The following HAO2 variants were observed in gnomAD, a reference collection of about 807,000 sequenced individuals.
HAO2 encodes the protein 2-Hydroxyacid oxidase 2.
A neutral mutation model predicts 37.4 loss-of-function variants in HAO2; 42 were observed. That is an observed-to-expected ratio of 1.12 (90% CI 0.88 to 1.45). HAO2 has a LOEUF of 1.45. Among genes scored for constraint, HAO2 ranks in the 40% most tolerant of loss-of-function variants. HAO2 has a pLI of 0.00. For synonymous variants in HAO2, 180 were observed against 162.8 expected (o/e 1.11, Z -0.81); for missense variants, 476 against 430.2 (o/e 1.11, Z -0.94).
intron 5 of HAO2, among the ~76,000 whole-genome samples, chr1:119,387,294 A>G (rs957394143): frequency 4.6e-5 from 7 of 152,234 alleles, no homozygotes; most frequent in African/African-American, 1.4e-4. Flanking sequence ...TCATAAATTT[A>G]TGTTCATTAT....
At position 119,393,664 on chromosome 1, in the gene HAO2, T is replaced by C. The variant is rs370255442; in HGVS notation, c.1001-121T>C. The C allele has an allele frequency of 2.3e-4, 192 of 823,036 alleles. 1 individual carries two copies. In the East Asian group the frequency reaches 3.4e-3, roughly 14 times the overall value. 51.0% of individuals were successfully genotyped at this position (823,036 alleles called of 1,614,324 possible). A position where few individuals can be genotyped will look rare whatever the true frequency, so the allele number is the denominator to read the frequency against. ...CGTTATTCATTCTGTATGTAAACCA[T>C]TTTATAAGAGTGAGCACAAAGATCA... On this transcript the variant is annotated intron_variant, in intron 7 of 7. Coordinates refer to ENST00000325945, the MANE Select transcript of HAO2 (RefSeq NM_016527.4).
intron 4 of HAO2, chr1:119,385,286 T>C: frequency 6.1e-6 from 6 of 985,346 alleles, no homozygotes; most frequent in Non-Finnish European, 6.0e-6. Context: ...GCTGCCCAAC[T>C]TGTCACCAGA....
chr1:119,393,750 A>T (rs767238329), intron 7 of HAO2, 35 bp from the exon 8 acceptor site: 3 of 1,604,530 alleles, frequency 1.9e-6, no homozygotes, highest in Non-Finnish European at 1.7e-6. Context: ...CTTGTGTTTG[A>T]CAAAAATGAG....
At chr1:119,378,920 C>T (rs932194156) in intron 1 of HAO2, among the ~76,000 whole-genome samples, 1 of 152,326 alleles carries the variant, frequency 6.6e-6, no homozygotes, top group South Asian at 2.1e-4. Flanking sequence ...GTGCCATGTA[C>T]TATCCTAATG....
In HAO2 at chr1:119,385,624, A is replaced by T. The variant is rs587766957; in HGVS notation, c.561+571A>T. 58 of 985,292 alleles carry T rather than the reference A, an allele frequency of 5.9e-5. 1 individual carries two copies. The South Asian group carries it at 1.9e-3, about 32-fold the overall frequency. The allele number at this position is 985,292 out of a possible 1,614,324, so 61.0% of individuals were successfully genotyped here. A position where few individuals can be genotyped will look rare whatever the true frequency, so the allele number is the denominator to read the frequency against. On this transcript the variant is annotated intron_variant, in intron 4 of 7. Transcript: ENST00000325945. Reference sequence around the variant, plus strand: ...TTGTTTGTAATCTCTGAACTAGGTGACTACAAAGGGGACCTTCCCCATTAA... The same window carrying T: ...TTGTTTGTAATCTCTGAACTAGGTGTCTACAAAGGGGACCTTCCCCATTAA...
chr1:119,393,685 GATC>G, intron 7 of HAO2, 97 bp from the exon 8 acceptor site: 1 of 912,476 alleles, frequency 1.1e-6, no homozygotes, highest in Non-Finnish European at 1.8e-6. Flanking sequence ...TGAGCACAAA[GATC>G]AAGTCAGACT....
chr1:119,384,974 T>C lies in HAO2; in HGVS notation c.482T>C (p.Val161Ala), dbSNP rs778307247. 6 of 1,613,804 alleles carry C rather than the reference T, an allele frequency of 3.7e-6. No homozygotes were observed. Among genetic ancestry groups the C allele is most frequent in the South Asian group, 1.1e-5 (1 of 91,066 alleles). ...KALVITLDTP[V>A]CGNRRHDIRN... is the part of the protein sequence containing the mutation. ...TTGGTAATAACTTTGGATACACCTGTATGTGGCAACAGGCGACATGACATT... is the reference window on the plus strand; with the variant it reads ...TTGGTAATAACTTTGGATACACCTGCATGTGGCAACAGGCGACATGACATT... Residue 161 changes from valine (V) to alanine (A), a missense_variant, in exon 4 of 8, where the codon GTA becomes GCA. Coordinates refer to ENST00000325945, the MANE Select transcript of HAO2 (RefSeq NM_016527.4).
At chr1:119,370,527 C>A (rs893159920) in intron 1 of HAO2, among the ~76,000 whole-genome samples, 5 of 152,208 alleles carry the variant, frequency 3.3e-5, no homozygotes, top group African/African-American at 1.2e-4. Context: ...AGGGGCCATA[C>A]TGCTTAGTCC....
At position 119,393,867 on chromosome 1, in the gene HAO2, T is replaced by G; in HGVS notation, c.*27T>G. On this transcript the variant is annotated 3_prime_UTR_variant, in exon 8 of 8. Coordinates refer to ENST00000325945, the MANE Select transcript of HAO2 (RefSeq NM_016527.4). ...AAAAAAGGGCCAATAACCAGACTGC[T>G]GAGGTTGCCCACAGGAGGATCACAA... 6.2e-7 allele frequency: 1 copy of G among 1,612,156 alleles called. No homozygotes were observed. Among genetic ancestry groups the G allele is most frequent in the Admixed American group, 1.7e-5 (1 of 59,954 alleles).
intron 1 of HAO2, chr1:119,380,478 T>A (rs1006441969): frequency 1.4e-5 from 7 of 488,844 alleles, no homozygotes; most frequent in African/African-American, 6.0e-5. Flanking sequence ...CTTTGTCTTG[T>A]CCTTTCCCCA....
chr1:119,382,722 G>T (rs112507957), intron 2 of HAO2, among the ~76,000 whole-genome samples, 193 bp from the exon 3 acceptor site: 1 of 152,132 alleles, frequency 6.6e-6, no homozygotes, highest in Admixed American at 6.6e-5. Context: ...TGTTGGAAGC[G>T]GCTTTCTGGA....
intron 4 of HAO2, chr1:119,385,714 TGGC>T (rs1406166072): frequency 3.6e-4 from 357 of 985,286 alleles, no homozygotes; most frequent in Non-Finnish European, 4.2e-4. Flanking sequence ...TGGGAATCCC[TGGC>T]TATAGTAGAG....
rs183528457 is a variant in HAO2, at chr1:119,369,644, A to G, written c.-9+742A>G. On this transcript the variant is annotated intron_variant, in intron 1 of 7. Coordinates refer to ENST00000325945, the MANE Select transcript of HAO2 (RefSeq NM_016527.4). ...CAAGATCCCTATGAGATAGACAGTA[A>G]TAACCTAATTTAAAGATAGATGAGA... Among the ~76,000 whole-genome samples the G allele has an allele frequency of 6.2e-3, 946 of 152,348 alleles. 7 individuals are homozygous for G. Among genetic ancestry groups the G allele is most frequent in the South Asian group, 0.044 (213 of 4,830 alleles).
intron 1 of HAO2, among the ~76,000 whole-genome samples, chr1:119,373,046 C>A (rs3765955): frequency 0.2 from 30,840 of 152,088 alleles, 3,312 homozygotes; most frequent in East Asian, 0.3. Flanking sequence ...GAAACTGAGA[C>A]TTGGAGCGAA....
intron 7 of HAO2, 91 bp from the exon 8 acceptor site, chr1:119,393,694 A>T: frequency 3.1e-6 from 3 of 981,350 alleles, no homozygotes; most frequent in Non-Finnish European, 5.0e-6. Flanking sequence ...AGATCAAGTC[A>T]GACTTGCTCC....
Position 119,385,006 on chromosome 1 carries a change from C to G in HAO2, c.514C>G (p.Gln172Glu). ...CAACAGGCGACATGACATTCGAAAC[C>G]AGTTGAGGAGGAACTTAACACTAAC... Reference protein sequence around the residue: ...CGNRRHDIRNQLRRNLTLTDL... With the variant: ...CGNRRHDIRNELRRNLTLTDL... Residue 172 changes from glutamine to glutamate, a missense_variant, in exon 4 of 8, where the codon CAG (glutamine) becomes GAG (glutamate). By Grantham distance (29) the Gln-to-Glu change is conservative. Coordinates refer to ENST00000325945, the MANE Select transcript of HAO2 (RefSeq NM_016527.4). 1 of 1,613,866 alleles carries G rather than the reference C, an allele frequency of 6.2e-7. No homozygotes were observed. Among genetic ancestry groups the G allele is most frequent in the Non-Finnish European group, 8.5e-7 (1 of 1,179,870 alleles).
intron 1 of HAO2, among the ~76,000 whole-genome samples, chr1:119,374,635 A>G (rs1214232375): frequency 1.3e-5 from 2 of 152,138 alleles, no homozygotes; most frequent in African/African-American, 4.8e-5. Context: ...CCCCCGTTGT[A>G]TCTCCACAGC....
chr1:119,374,936 T>C (rs183018370), intron 1 of HAO2, among the ~76,000 whole-genome samples: 7 of 152,334 alleles, frequency 4.6e-5, no homozygotes, highest in African/African-American at 1.7e-4. Flanking sequence ...TACTCCTGAA[T>C]GTCCTTGCCC....
chr1:119,387,085 C>T (rs1277509660), intron 5 of HAO2, among the ~76,000 whole-genome samples: 3 of 152,060 alleles, frequency 2.0e-5, no homozygotes, highest in African/African-American at 7.2e-5. Flanking sequence ...GTGTTATTAT[C>T]CCTGATTTGC....
Sources: gnomAD v4.1 joint callset for allele counts (sites outside exome capture counted in the v4.1 genomes callset) on GRCh38, gnomAD v4.1.1 for gene constraint, MANE v1.5 for transcripts, NCBI Gene and HGNC (gene_info 2026-07-23, HGNC 2026-07-21) for gene names.